The following MINDY4 variants were observed in gnomAD, a reference collection of about 807,000 sequenced individuals.
MINDY4 encodes the protein probable ubiquitin carboxyl-terminal hydrolase MINDY-4.
In MINDY4, 68 loss-of-function variants were observed where a neutral mutation model predicts 87.0. That is an observed-to-expected ratio of 0.78 (90% CI 0.64 to 0.96). The LOEUF (loss-of-function observed/expected upper bound fraction) is 0.96. Ranked by LOEUF, MINDY4 falls within the 40% of genes least tolerant of loss-of-function variation. MINDY4 has a pLI of 0.00. For synonymous variants in MINDY4, 379 were observed against 363.2 expected, an observed-to-expected ratio of 1.04 and a Z score of -0.50; for missense variants, 919 against 928.2, an observed-to-expected ratio of 0.99 and a Z score of 0.13.
intron 5 of MINDY4, among the ~76,000 whole-genome samples, chr7:30,795,986 A>G (rs1222094057): frequency 6.6e-6 from 1 of 152,114 alleles, no homozygotes; most frequent in Non-Finnish European, 1.5e-5. Flanking sequence ...CCTTGATTTC[A>G]TCTGCAACCT....
chr7:30,785,636 C>A, intron 3 of MINDY4, 113 bp from the exon 4 acceptor site: 1 of 1,298,594 alleles, frequency 7.7e-7, no homozygotes, highest in Non-Finnish European at 1.1e-6. Flanking sequence ...TAGAAGTCAT[C>A]ATAGATTTAT....
chr7:30,831,533 G>A (rs1452259432), intron 6 of MINDY4, among the ~76,000 whole-genome samples: 1 of 152,216 alleles, frequency 6.6e-6, no homozygotes, highest in East Asian at 1.9e-4. Context: ...TGGAGGCAGA[G>A]TGATCCAGAG....
chr7:30,829,110 C>A (rs1333993169), intron 6 of MINDY4, among the ~76,000 whole-genome samples: 2 of 152,136 alleles, frequency 1.3e-5, no homozygotes, highest in Admixed American at 6.5e-5. Flanking sequence ...AAGGCCCGTC[C>A]TTTTTAAAAG....
chr7:30,887,622 G>T (rs564561740), intron 17 of MINDY4, among the ~76,000 whole-genome samples: 1 of 152,202 alleles, frequency 6.6e-6, no homozygotes, highest in African/African-American at 2.4e-5. Flanking sequence ...CTGGGAGGGC[G>T]GGGCCACTCC....
intron 1 of MINDY4, among the ~76,000 whole-genome samples, chr7:30,776,886 G>A (rs1786834456): frequency 6.6e-6 from 1 of 152,152 alleles, no homozygotes; most frequent in South Asian, 2.1e-4. Context: ...GTGTTTGTTG[G>A]GCGAATGAAG....
intron 17 of MINDY4, among the ~76,000 whole-genome samples, chr7:30,890,030 T>A (rs1584363421): frequency 6.6e-6 from 1 of 152,320 alleles, no homozygotes; most frequent in South Asian, 2.1e-4. Context: ...AGAAAAGGAT[T>A]GATTGCCAAA....
chr7:30,852,104 T>C (rs147695086), intron 10 of MINDY4, 112 bp from the exon 11 acceptor site: 31 of 1,256,558 alleles, frequency 2.5e-5, no homozygotes, highest in Non-Finnish European at 3.4e-5. Context: ...ATTTTCTCTC[T>C]GGAGCCACCT....
chr7:30,882,201 C>T lies in MINDY4; in HGVS notation c.1992C>T (p.Thr664=), dbSNP rs1300735726. 47 of 1,610,762 alleles carry T rather than the reference C, an allele frequency of 2.9e-5. No homozygotes were observed. Among genetic ancestry groups the T allele is most frequent in the Non-Finnish European group, 4.0e-5 (47 of 1,177,536 alleles). ...NMCQVGCFLK[T]PRFPIWVVCS... ...TCCAGGTTGGCTGCTTCCTGAAGAC[C>T]CCGAGGTTCCCCATCTGGGTGGTTT... Residue 664 remains threonine, a synonymous_variant, in exon 16 of 18, where the codon ACC becomes ACT. Coordinates refer to ENST00000265299, the MANE Select transcript of MINDY4 (RefSeq NM_032222.3).
At chr7:30,843,386 C>G (rs1405296120) in intron 9 of MINDY4, among the ~76,000 whole-genome samples, 29 of 152,178 alleles carry the variant, frequency 1.9e-4, no homozygotes, top group Admixed American at 1.9e-3. Context: ...TGGGTGCTGC[C>G]AGCTGCTTGG....
In MINDY4 at chr7:30,839,180, A is replaced by T; in HGVS notation, c.1240-20A>T. ...GCTTGCTTTTAAAACAACCAGTAAA[A>T]CTCTCTCTTCTTTTTATAGGAAATA... On this transcript the variant is annotated intron_variant, in intron 7 of 17. Transcript: ENST00000265299. 1 of 1,520,584 alleles carries T rather than the reference A, an allele frequency of 6.6e-7. No homozygotes were observed. Among genetic ancestry groups the T allele is most frequent in the Non-Finnish European group, 9.0e-7 (1 of 1,110,260 alleles). 94.2% of individuals were successfully genotyped at this position (1,520,584 alleles called of 1,614,324 possible).
At chr7:30,802,164 T>C (rs531348210) in intron 5 of MINDY4, among the ~76,000 whole-genome samples, 2 of 152,204 alleles carry the variant, frequency 1.3e-5, no homozygotes, top group East Asian at 3.9e-4. Context: ...CTGTTAGCTA[T>C]GTTCCAGCAG....
rs566125966 is a variant in MINDY4, at chr7:30,840,852, A to C, written c.1445+4A>C. On this transcript the variant is annotated splice_donor_region_variant and intron_variant, in intron 9 of 17. Transcript: ENST00000265299. ...ATAGCAAAGCCGACTGTGCTCAGTA[A>C]GTCAGTGCTCTTTCTGGCAATATCT... 12 of 1,613,028 alleles carry C rather than the reference A, an allele frequency of 7.4e-6. No individual in the cohort carries two copies. Among genetic ancestry groups the C allele is most frequent in the African/African-American group, 1.3e-5 (1 of 75,024 alleles).
At chr7:30,818,980 C>G (rs1386981148) in intron 5 of MINDY4, among the ~76,000 whole-genome samples, 1 of 152,132 alleles carries the variant, frequency 6.6e-6, no homozygotes, top group Admixed American at 6.5e-5. Flanking sequence ...ATCAATCTTG[C>G]CAAAGGTTTG....
At chr7:30,803,063 C>T (rs1481412484) in intron 5 of MINDY4, 1 of 152,344 alleles carries the variant, frequency 6.6e-6, no homozygotes, top group Non-Finnish European at 1.5e-5. Context: ...AACCAGCCAA[C>T]TCACTGTCCC....
At chr7:30,849,450 A>C (rs749923124) in intron 9 of MINDY4, among the ~76,000 whole-genome samples, 2 of 152,180 alleles carry the variant, frequency 1.3e-5, no homozygotes, top group Non-Finnish European at 2.9e-5. Context: ...ATGGAAAGAA[A>C]TACGTATATT....
At chr7:30,838,690 C>T (rs1358634519) in intron 7 of MINDY4, among the ~76,000 whole-genome samples, 6 of 152,130 alleles carry the variant, frequency 3.9e-5, no homozygotes, top group Non-Finnish European at 8.8e-5. Flanking sequence ...CTCTCAAACC[C>T]GGCACACTGT....
intron 5 of MINDY4, among the ~76,000 whole-genome samples, chr7:30,812,045 A>AC (rs1394720163): frequency 1.3e-5 from 2 of 152,190 alleles, no homozygotes; most frequent in Admixed American, 1.3e-4. Context: ...AAAGAAAATA[A>AC]CTACAAAAGG....
At chr7:30,828,181 C>T (rs1474933844) in intron 5 of MINDY4, among the ~76,000 whole-genome samples, 1 of 152,166 alleles carries the variant, frequency 6.6e-6, no homozygotes, top group African/African-American at 2.4e-5. Flanking sequence ...TTCCTTTAAA[C>T]ACTTTGGTGC....
At chr7:30,785,074 T>TTC (rs1320773144) in intron 3 of MINDY4, among the ~76,000 whole-genome samples, 55 of 36,408 alleles carry the variant, frequency 1.5e-3, no homozygotes, top group African/African-American at 7.4e-3. Context: ...TCTTGCCTTC[T>TTC]TTTTTTTTTT....
Sources: allele counts gnomAD v4.1 joint callset (sites outside exome capture counted in the v4.1 genomes callset), GRCh38; gene constraint gnomAD v4.1.1; transcripts MANE v1.5; gene names NCBI Gene and HGNC (gene_info 2026-07-23, HGNC 2026-07-21).